MYO5B: variants seen among roughly 807,000 people sequenced by gnomAD.
The protein encoded by MYO5B is myosin VB.
Under a neutral mutation model 229.3 loss-of-function variants are expected in MYO5B, and 143 were observed. The observed-to-expected ratio is 0.62, with a 90% CI of 0.54 to 0.72. MYO5B has a LOEUF of 0.72. Ranked by LOEUF, MYO5B falls within the 30% of genes least tolerant of loss-of-function variation. MYO5B has a pLI of 0.00. For missense variants in MYO5B, 2,321 were observed against 2,331.0 expected, an observed-to-expected ratio of 1.00 and a Z score of 0.09; for synonymous variants, 918 against 885.2, an observed-to-expected ratio of 1.04 and a Z score of -0.66.
chr18:50,082,694 C>G (rs1468583801), intron 1 of MYO5B, among the ~76,000 whole-genome samples: 1 of 152,154 alleles, frequency 6.6e-6, no homozygotes, highest in Non-Finnish European at 1.5e-5. Context: ...GGAGCTAAGA[C>G]CATTAGACAA....
chr18:49,927,375 C>A (rs759996251), intron 17 of MYO5B, among the ~76,000 whole-genome samples: 4 of 150,406 alleles, frequency 2.7e-5, no homozygotes, highest in Admixed American at 6.6e-5. Context: ...AAAAAAAATC[C>A]TAAAATCATA....
At chr18:49,853,356 A>G (rs2024223709) in intron 31 of MYO5B, 93 bp downstream of exon 31, 6 of 1,284,672 alleles carry the variant, frequency 4.7e-6, no homozygotes, top group Non-Finnish European at 5.6e-6. Context: ...AAGGGTCATG[A>G]ACCTTGTCAG....
At chr18:50,085,835 T>G (rs1011784677) in intron 1 of MYO5B, among the ~76,000 whole-genome samples, 13 of 151,716 alleles carry the variant, frequency 8.6e-5, no homozygotes, top group African/African-American at 3.2e-4. Flanking sequence ...AAACACTACA[T>G]GTTCTCACTT....
At chr18:49,993,779 T>C (rs2025957533) in intron 5 of MYO5B, among the ~76,000 whole-genome samples, 1 of 152,184 alleles carries the variant, frequency 6.6e-6, no homozygotes, top group Non-Finnish European at 1.5e-5. Context: ...TTCCACCTGC[T>C]GTCAATTCTC....
chr18:49,984,608 C>T, intron 8 of MYO5B, 110 bp downstream of exon 8: 1 of 829,138 alleles, frequency 1.2e-6, no homozygotes, highest in Middle Eastern at 3.3e-4. Context: ...GAGGGCATCT[C>T]CCATTAGCTC....
At chr18:50,173,669 G>A (rs1417466024) in intron 1 of MYO5B, among the ~76,000 whole-genome samples, 2 of 152,178 alleles carry the variant, frequency 1.3e-5, no homozygotes, top group Non-Finnish European at 2.9e-5. Flanking sequence ...TGATGGAGTG[G>A]GGAAATCACA....
chr18:49,843,232 G>A lies in MYO5B; in HGVS notation c.4611+9C>T, dbSNP rs775202985. The A allele has an allele frequency of 1.2e-6, 2 of 1,613,610 alleles. No individual in the cohort carries two copies. Among genetic ancestry groups the A allele is most frequent in the Non-Finnish European group, 1.7e-6 (2 of 1,179,980 alleles). On this transcript the variant is annotated intron_variant, in intron 34 of 39. Transcript: ENST00000285039. ...CCACAAACCATGACCTTCTGCAGGG[G>A]CTGCTTACTTTCAGGACTTTCTTAA...
chr18:49,980,698 C>A, intron 8 of MYO5B, 145 bp from the exon 9 acceptor site: 1 of 680,228 alleles, frequency 1.5e-6, no homozygotes. Context: ...CCAGGCTCCT[C>A]ACCAAGTAAT....
Position 50,068,044 on chromosome 18 carries a change from TAC to T in MYO5B, c.28-12668_28-12667del, listed in dbSNP as rs4042092. ...ACATACATATATATATACACACATATACACACACACACACACACAACACTTTT... is the reference window on the plus strand; with the variant it reads ...ACATACATATATATATACACACATATACACACACACACACACAACACTTTT... On this transcript the variant is annotated intron_variant, in intron 1 of 39. Coordinates refer to ENST00000285039, the MANE Select transcript of MYO5B (RefSeq NM_001080467.3). Among the ~76,000 whole-genome samples, 327 of 147,964 alleles carry T rather than the reference TAC, an allele frequency of 2.2e-3. 1 individual carries two copies. Among genetic ancestry groups the T allele is most frequent in the African/African-American group, 7.9e-3 (311 of 39,256 alleles).
chr18:50,106,617 C>T (rs1213828237), intron 1 of MYO5B, among the ~76,000 whole-genome samples: 2 of 152,242 alleles, frequency 1.3e-5, no homozygotes, highest in African/African-American at 4.8e-5. Flanking sequence ...CATTATCTGG[C>T]TATTCCTCTT....
chr18:50,039,121 G>A (rs907605481), intron 3 of MYO5B, among the ~76,000 whole-genome samples: 1 of 151,938 alleles, frequency 6.6e-6, no homozygotes, highest in Non-Finnish European at 1.5e-5. Context: ...GGGCACATGC[G>A]AGGCGTTCCC....
intron 1 of MYO5B, among the ~76,000 whole-genome samples, chr18:50,089,394 A>T (rs1218315110): frequency 6.6e-6 from 1 of 152,084 alleles, no homozygotes; most frequent in Non-Finnish European, 1.5e-5. Context: ...GGAAAAAAAA[A>T]GTTATAGGAA....
intron 1 of MYO5B, among the ~76,000 whole-genome samples, chr18:50,162,301 C>T (rs184857243): frequency 5.1e-4 from 78 of 152,038 alleles, no homozygotes; most frequent in African/African-American, 1.9e-3. Context: ...CCCTCCCTAC[C>T]CACAAGCAAA....
chr18:49,962,069 C>G (rs2025565622), intron 12 of MYO5B, among the ~76,000 whole-genome samples, 197 bp downstream of exon 12: 1 of 152,194 alleles, frequency 6.6e-6, no homozygotes, highest in South Asian at 2.1e-4. Flanking sequence ...TGTAGCAACA[C>G]CTGCCAGTCA....
chr18:49,858,858 C>G (rs578169467), intron 29 of MYO5B, among the ~76,000 whole-genome samples: 1 of 152,194 alleles, frequency 6.6e-6, no homozygotes, highest in Admixed American at 6.5e-5. Flanking sequence ...AGGAAAGAAC[C>G]CCTGGAGGAG....
chr18:49,824,680 C>T lies in MYO5B; in HGVS notation c.*1791G>A, dbSNP rs1209564675. On this transcript the variant is annotated 3_prime_UTR_variant, in exon 40 of 40. Coordinates refer to ENST00000285039, the MANE Select transcript of MYO5B (RefSeq NM_001080467.3). Reference sequence around the variant, plus strand: ...TCACAAACAACTTTAAAGAGGTAGCCACAAACCCAGTTGTTTTAGATTGGC... The same window carrying T: ...TCACAAACAACTTTAAAGAGGTAGCTACAAACCCAGTTGTTTTAGATTGGC... 6.6e-6 allele frequency: 1 copy of T among 152,148 alleles called. No individual in the cohort carries two copies. The highest frequency in any genetic ancestry group is 1.5e-5 in the Non-Finnish European group (1 of 68,030). The allele number at this position is 152,148 out of a possible 1,614,324, so 9.4% of individuals were successfully genotyped here.
rs57675138 is a variant in MYO5B, at chr18:50,052,787, C to A, written c.138+2481G>T. Reference sequence around the variant, plus strand: ...TATGAATGAATGAATGAGTGAAAACCAGAGTGAAAAAACTTTTTAGAGGCA... The same window carrying A: ...TATGAATGAATGAATGAGTGAAAACAAGAGTGAAAAAACTTTTTAGAGGCA... On this transcript the variant is annotated intron_variant, in intron 2 of 39. Coordinates refer to ENST00000285039, the MANE Select transcript of MYO5B (RefSeq NM_001080467.3). Among the ~76,000 whole-genome samples, 10 of 151,928 alleles carry A rather than the reference C, an allele frequency of 6.6e-5. No homozygotes were observed. The East Asian group carries it at 1.9e-3, about 29-fold the overall frequency.
intron 18 of MYO5B, among the ~76,000 whole-genome samples, chr18:49,908,271 C>G (rs2024921947): frequency 6.6e-6 from 1 of 152,188 alleles, no homozygotes; most frequent in Non-Finnish European, 1.5e-5. Context: ...ACTGTCCTCA[C>G]CCTGTGTGTC....
chr18:49,960,866 G>C (rs764083745), intron 12 of MYO5B, among the ~76,000 whole-genome samples: 8 of 152,156 alleles, frequency 5.3e-5, no homozygotes, highest in Non-Finnish European at 1.0e-4. Context: ...AACTGTATAC[G>C]ACCTTCACCT....
Sources: gnomAD v4.1 joint callset for allele counts (sites outside exome capture counted in the v4.1 genomes callset) on GRCh38, gnomAD v4.1.1 for gene constraint, MANE v1.5 for transcripts, NCBI Gene and HGNC (gene_info 2026-07-23, HGNC 2026-07-21) for gene names.